STXBP6: variants seen among roughly 807,000 people sequenced by gnomAD.
The protein encoded by STXBP6 is syntaxin binding protein 6, also known as syntaxin-binding protein 6.
STXBP6 carries 21 observed loss-of-function variants against 26.9 expected under a neutral mutation model. The ratio of observed to expected loss-of-function variants is 0.78; its 90% CI spans 0.55 to 1.12. The LOEUF (loss-of-function observed/expected upper bound fraction) is 1.12, where lower values mean the gene tolerates loss of function less well. Ranked by LOEUF, STXBP6 falls within the 50% of genes most tolerant of loss-of-function variation. The pLI, the probability that STXBP6 is intolerant of heterozygous loss-of-function variation, is 0.00. For synonymous variants in STXBP6, 97 were observed against 92.6 expected, an observed-to-expected ratio of 1.05 and a Z score of -0.27; for missense variants, 232 against 257.9, an observed-to-expected ratio of 0.90 and a Z score of 0.69.
intron 5 of STXBP6, among the ~76,000 whole-genome samples, chr14:24,818,778 A>AT (rs1392790754): frequency 2.6e-5 from 4 of 152,172 alleles, no homozygotes; most frequent in Non-Finnish European, 5.9e-5. Context: ...GGAACTAAAG[A>AT]TGGTCCATAG....
intron 2 of STXBP6, among the ~76,000 whole-genome samples, chr14:24,956,648 G>A (rs1413502851): frequency 1.3e-5 from 2 of 152,036 alleles, no homozygotes; most frequent in African/African-American, 2.4e-5. Flanking sequence ...ATTCTAAGAA[G>A]AAAATAAGAA....
chr14:25,006,868 A>G (rs963723854), intron 1 of STXBP6, among the ~76,000 whole-genome samples: 1 of 151,914 alleles, frequency 6.6e-6, no homozygotes, highest in African/African-American at 2.4e-5. Flanking sequence ...AAAAAAAAGC[A>G]TATTTTACTT....
rs2067862649 is a variant in STXBP6 at position 24,812,883 on chromosome 14, C to T, written c.610-151G>A. The T allele has an allele frequency of 4.2e-6, 3 of 722,024 alleles. No homozygotes were observed. The African/African-American group carries it at 5.3e-5, about 13-fold the overall frequency. 44.7% of individuals were successfully genotyped at this position (722,024 alleles called of 1,614,324 possible). ...AGATCACCGTTACTAATTACAGTAG[C>T]ACCTTTAAATGTGCAACATTTTCTC... On this transcript the variant is annotated intron_variant, in intron 5 of 5. Transcript: ENST00000323944.
At chr14:24,836,130 A>G (rs1417286275) in intron 4 of STXBP6, among the ~76,000 whole-genome samples, 1 of 152,228 alleles carries the variant, frequency 6.6e-6, no homozygotes, top group Admixed American at 6.5e-5. Context: ...AATCATACTC[A>G]CACTTTGGTA....
At chr14:24,984,678 A>G (rs1185615059) in intron 1 of STXBP6, among the ~76,000 whole-genome samples, 1 of 152,220 alleles carries the variant, frequency 6.6e-6, no homozygotes, top group African/African-American at 2.4e-5. Flanking sequence ...CTCCAAAAGC[A>G]ATTTCCCCAT....
chr14:24,973,811 A>C (rs752362843), intron 2 of STXBP6, among the ~76,000 whole-genome samples: 3 of 152,172 alleles, frequency 2.0e-5, no homozygotes, highest in Non-Finnish European at 2.9e-5. Context: ...AATTCTGATA[A>C]ATGATCAAAG....
intron 2 of STXBP6, among the ~76,000 whole-genome samples, chr14:24,927,444 A>G (rs1002309867): frequency 6.6e-6 from 1 of 152,212 alleles, no homozygotes; most frequent in Admixed American, 6.5e-5. Context: ...TTTGCATTTT[A>G]TCTATAATTG....
intron 2 of STXBP6, among the ~76,000 whole-genome samples, chr14:24,914,928 A>T (rs1026585376): frequency 3.9e-5 from 6 of 152,228 alleles, no homozygotes; most frequent in African/African-American, 1.4e-4. Flanking sequence ...TGCAAGTGCC[A>T]GGCAGCAGGA....
At chr14:25,028,165 T>C (rs1219546456) in intron 1 of STXBP6, among the ~76,000 whole-genome samples, 1 of 152,210 alleles carries the variant, frequency 6.6e-6, no homozygotes, top group Non-Finnish European at 1.5e-5. Flanking sequence ...CCATTAAGGT[T>C]ATCAGCTACA....
At position 25,007,225 on chromosome 14, in the gene STXBP6, A is replaced by G. The variant is rs1957762; in HGVS notation, c.-32-32375T>C. Among the ~76,000 whole-genome samples, 1,336 of 152,292 alleles carry G rather than the reference A, an allele frequency of 8.8e-3. 4 individuals carry two copies. The highest frequency in any genetic ancestry group is 0.013 in the Non-Finnish European group (883 of 68,014). On this transcript the variant is annotated intron_variant, in intron 1 of 5. Transcript: ENST00000323944. The stretch of plus-strand genomic sequence containing the variant: ...TTTGTTGAACGAATACAATTGTTGG[A>G]ATTTCTATTCATCATTAGTAAGTTA...
At chr14:24,863,882 T>C (rs2069628130) in intron 2 of STXBP6, among the ~76,000 whole-genome samples, 1 of 152,190 alleles carries the variant, frequency 6.6e-6, no homozygotes, top group Non-Finnish European at 1.5e-5. Context: ...TATTGCAAAC[T>C]AATAGTTATA....
chr14:25,042,309 A>C (rs184202706), intron 1 of STXBP6, among the ~76,000 whole-genome samples: 1 of 152,336 alleles, frequency 6.6e-6, no homozygotes, highest in African/African-American at 2.4e-5. Flanking sequence ...TCCCATAAGA[A>C]GGCAAGCCAG....
intron 1 of STXBP6, among the ~76,000 whole-genome samples, chr14:25,013,381 A>T (rs531660516): frequency 7.9e-5 from 12 of 152,178 alleles, no homozygotes; most frequent in African/African-American, 2.9e-4. Flanking sequence ...TGGAGAAATG[A>T]TTGACATGAA....
At chr14:25,002,549 C>T (rs979626798) in intron 1 of STXBP6, among the ~76,000 whole-genome samples, 25 of 151,578 alleles carry the variant, frequency 1.6e-4, no homozygotes, top group East Asian at 5.9e-4. Context: ...TTAGCAGAGA[C>T]GGGGTTTCAC....
chr14:24,951,523 T>C (rs1190895859), intron 2 of STXBP6, among the ~76,000 whole-genome samples: 1 of 152,210 alleles, frequency 6.6e-6, no homozygotes, highest in Non-Finnish European at 1.5e-5. Context: ...ATGTCTTCTT[T>C]TGAGAAATGT....
At chr14:25,035,070 G>A (rs2140482430) in intron 1 of STXBP6, among the ~76,000 whole-genome samples, 1 of 150,908 alleles carries the variant, frequency 6.6e-6, no homozygotes, top group African/African-American at 2.4e-5. Context: ...AGAATCACTT[G>A]AACCCAGGAG....
intron 4 of STXBP6, among the ~76,000 whole-genome samples, chr14:24,853,785 G>A (rs144024347): frequency 6.6e-6 from 1 of 151,950 alleles, no homozygotes; most frequent in Non-Finnish European, 1.5e-5. Context: ...ATTTAACACT[G>A]GACATATGTG....
intron 1 of STXBP6, among the ~76,000 whole-genome samples, chr14:24,978,694 G>C (rs1595239081): frequency 1.3e-5 from 2 of 152,284 alleles, no homozygotes; most frequent in Middle Eastern, 6.8e-3. Context: ...TCCCATAAGT[G>C]TTAGTTACAA....
At chr14:24,891,361 C>T (rs1243685985) in intron 2 of STXBP6, among the ~76,000 whole-genome samples, 2 of 152,288 alleles carry the variant, frequency 1.3e-5, no homozygotes, top group East Asian at 3.9e-4. Context: ...TAGGGGTTAC[C>T]TATGCCTTGA....
Sources: allele counts gnomAD v4.1 joint callset (sites outside exome capture counted in the v4.1 genomes callset), GRCh38; gene constraint gnomAD v4.1.1; transcripts MANE v1.5; gene names NCBI Gene and HGNC (gene_info 2026-07-23, HGNC 2026-07-21).